Variants in NSD3 observed in about 807,000 individuals in gnomAD.
The protein encoded by NSD3 is nuclear receptor binding SET domain protein 3.
NSD3 carries 24 observed loss-of-function variants against 160.8 expected under a neutral mutation model. That is an observed-to-expected ratio of 0.15 (90% CI 0.11 to 0.21). The LOEUF is 0.21. Ranked by LOEUF, NSD3 falls within the 10% of genes least tolerant of loss-of-function variation. NSD3 has a pLI of 1.00. For missense variants in NSD3, 1,157 were observed against 1,735.9 expected, an observed-to-expected ratio of 0.67 and a Z score of 5.93; for synonymous variants, 520 against 600.0, an observed-to-expected ratio of 0.87 and a Z score of 1.95.
At chr8:38,358,537 CA>C (rs1810880453) in intron 1 of NSD3, among the ~76,000 whole-genome samples, 1 of 151,830 alleles carries the variant, frequency 6.6e-6, no homozygotes, top group Non-Finnish European at 1.5e-5. Context: ...ATTTATGCAG[CA>C]AAAACATTAT....
chr8:38,283,789 T>G (rs1450905699), intron 19 of NSD3, among the ~76,000 whole-genome samples: 5 of 152,124 alleles, frequency 3.3e-5, no homozygotes, highest in Admixed American at 3.3e-4. Context: ...ATCTACTGTA[T>G]AAGCTATGAT....
chr8:38,381,415 C>T (rs1407839424), intron 1 of NSD3, among the ~76,000 whole-genome samples: 2 of 151,964 alleles, frequency 1.3e-5, no homozygotes, highest in Non-Finnish European at 2.9e-5. Flanking sequence ...ATTTATCAGT[C>T]CACCCAGGTC....
chr8:38,377,210 G>A (rs1289084212), intron 1 of NSD3, among the ~76,000 whole-genome samples: 1 of 151,426 alleles, frequency 6.6e-6, no homozygotes, highest in Non-Finnish European at 1.5e-5. Flanking sequence ...GCACCACCAT[G>A]CCCGGCTAAT....
Position 38,329,753 on chromosome 8 carries a change from A to C in NSD3, c.1206T>G (p.Ala402=). 6.2e-7 allele frequency: 1 copy of C among 1,614,190 alleles called. No homozygotes were observed. The highest frequency in any genetic ancestry group is 8.5e-7 in the Non-Finnish European group (1 of 1,180,044). Residue 402 remains alanine (A), a synonymous_variant, in exon 6 of 24, where the codon GCT becomes GCG. Coordinates refer to ENST00000317025, the MANE Select transcript of NSD3 (RefSeq NM_023034.2). The surrounding 1 kb of genome is among the most constrained non-coding windows in gnomAD (Gnocchi z 4.8). ...CAACACTCTTTTTTGCTTGGGATAA[A>C]GCCTCTTCAGGCTGTTTATCAATGT... ...FIYIDKQPEE[A]LSQAKKSVAS... is the part of the protein sequence containing the mutation.
intron 1 of NSD3, among the ~76,000 whole-genome samples, chr8:38,366,110 C>CAAAAAAAAAAA (rs757397268): frequency 2.3e-5 from 1 of 44,332 alleles, no homozygotes. Context: ...GACTCTGTCT[C>CAAAAAAAAAAA]AAAAAAAAAA....
chr8:38,286,729 T>C (rs932146574), intron 19 of NSD3, among the ~76,000 whole-genome samples: 10 of 152,192 alleles, frequency 6.6e-5, no homozygotes, highest in African/African-American at 2.4e-4. Context: ...GCAGCTCCTC[T>C]CTTTCCTCTC....
intron 7 of NSD3, 46 bp downstream of exon 7, chr8:38,326,684 A>T: frequency 6.4e-7 from 1 of 1,570,136 alleles, no homozygotes; most frequent in South Asian, 1.2e-5. Flanking sequence ...GAACAGAACA[A>T]GGATTTCTCA....
At position 38,271,294 on chromosome 8, in the gene NSD3, AAAT is replaced by A. The variant is rs749848680; in HGVS notation, c.*4344_*4346del. ...ACTTCATAAATGTAAAAAGAAACTA[AAAT>A]AAGGAGAATCTGAAGAGTTTCAAGT... On this transcript the variant is annotated 3_prime_UTR_variant, in exon 24 of 24. Coordinates refer to ENST00000317025, the MANE Select transcript of NSD3 (RefSeq NM_023034.2). The A allele has an allele frequency of 2.6e-4, 39 of 152,292 alleles. No individual in the cohort carries two copies. Among genetic ancestry groups the A allele is most frequent in the African/African-American group, 8.7e-4 (36 of 41,568 alleles). The allele number at this position is 152,292 out of a possible 1,614,324, so 9.4% of individuals were successfully genotyped here.
At position 38,348,212 on chromosome 8, in the gene NSD3, G is replaced by A. The variant is rs1810582389; in HGVS notation, c.-41C>T. On this transcript the variant is annotated 5_prime_UTR_variant, in exon 2 of 24. Transcript: ENST00000317025. The stretch of plus-strand genomic sequence containing the variant: ...TCCTTAACTTTCCCTTTCTCTCATC[G>A]GGCCTAAAATTATAAAAGAGGGGAT... 3.9e-6 allele frequency: 6 copies of A among 1,521,214 alleles called. No homozygotes were observed. Among genetic ancestry groups the A allele is most frequent in the East Asian group, 2.3e-5 (1 of 44,072 alleles). The allele number at this position is 1,521,214 out of a possible 1,614,324, so 94.2% of individuals were successfully genotyped here.
intron 4 of NSD3, among the ~76,000 whole-genome samples, chr8:38,331,827 T>TCAAAACAAAACAAAA (rs150155803): frequency 7.9e-5 from 12 of 152,198 alleles, no homozygotes; most frequent in African/African-American, 2.6e-4. Context: ...GACTCTTGTC[T>TCAAAACAAAACAAAA]CAAAACAAAA....
At chr8:38,352,501 T>A (rs780286860) in intron 1 of NSD3, among the ~76,000 whole-genome samples, 3 of 152,214 alleles carry the variant, frequency 2.0e-5, no homozygotes, top group Non-Finnish European at 4.4e-5. Flanking sequence ...TAAAAGAAAG[T>A]GAGCTTCAGA....
Position 38,329,254 on chromosome 8 carries a change from G to C in NSD3, c.1581+124C>G. On this transcript the variant is annotated intron_variant, in intron 6 of 23. Transcript: ENST00000317025. This position sits in a 1 kb window ranked among gnomAD's most constrained non-coding sequence, Gnocchi z 4.8. ...TTTTTGCCCACAGAGTACAATGACTGTATGTTTCAAATTCAGTGGGTAGAA... is the reference window on the plus strand; with the variant it reads ...TTTTTGCCCACAGAGTACAATGACTCTATGTTTCAAATTCAGTGGGTAGAA... 8.5e-7 allele frequency: 1 copy of C among 1,182,958 alleles called. No homozygotes were observed. Among genetic ancestry groups the C allele is most frequent in the Non-Finnish European group, 1.2e-6 (1 of 852,118 alleles). 73.3% of individuals were successfully genotyped at this position (1,182,958 alleles called of 1,614,324 possible).
intron 16 of NSD3, among the ~76,000 whole-genome samples, chr8:38,294,720 A>G (rs1809089543): frequency 6.6e-6 from 1 of 152,060 alleles, no homozygotes; most frequent in Admixed American, 6.6e-5. Flanking sequence ...GCTCATTCCT[A>G]TAATTCTAGC....
At chr8:38,347,462 A>G (rs752305074) in intron 2 of NSD3, 35 bp downstream of exon 2, 9 of 1,534,722 alleles carry the variant, frequency 5.9e-6, no homozygotes, top group South Asian at 2.6e-5. Flanking sequence ...AATGTGAAAT[A>G]TAACAAAATT....
Position 38,275,889 on chromosome 8 carries a change from C to T in NSD3, c.4073-7G>A, listed in dbSNP as rs373621167. 4.5e-5 allele frequency: 73 copies of T among 1,611,086 alleles called. No homozygotes were observed. Among genetic ancestry groups the T allele is most frequent in the Non-Finnish European group, 6.0e-5 (71 of 1,178,046 alleles). ...CACGGACACTCCCACTTTCCTAATT[C>T]GGGGAGATGGGGAGGAAGAAGGAGA... On this transcript the variant is annotated splice_polypyrimidine_tract_variant and splice_region_variant and intron_variant, in intron 23 of 23. Transcript: ENST00000317025.
chr8:38,337,042 C>G (rs1585898527), intron 4 of NSD3, among the ~76,000 whole-genome samples: 1 of 151,198 alleles, frequency 6.6e-6, no homozygotes, highest in African/African-American at 2.4e-5. Context: ...CTCCAGAGGC[C>G]CAGGCAGGAG....
Position 38,273,701 on chromosome 8 carries a change from CAA to C in NSD3, c.*1938_*1939del, listed in dbSNP as rs1450859109. 1.3e-5 allele frequency: 2 copies of C among 152,116 alleles called. No homozygotes were observed. The highest frequency in any genetic ancestry group is 4.8e-5 in the African/African-American group (2 of 41,418). 9.4% of individuals were successfully genotyped at this position (152,116 alleles called of 1,614,324 possible). ...ATCAAACTATATAATTGCTCAAGAG[CAA>C]AGTTTAGTGTTTTGGTGAGCTGTAT... is the stretch of plus-strand genomic sequence containing the variant. On this transcript the variant is annotated 3_prime_UTR_variant, in exon 24 of 24. Transcript: ENST00000317025.
chr8:38,296,080 G>A lies in NSD3; in HGVS notation c.2759-128C>T, dbSNP rs1809131259. ...TGGGGGAAAATAACAAAGGGACTGA[G>A]TCATATCTACAGTGATGGATTAAAA... On this transcript the variant is annotated intron_variant, in intron 15 of 23. Coordinates refer to ENST00000317025, the MANE Select transcript of NSD3 (RefSeq NM_023034.2). The A allele has an allele frequency of 4.2e-6, 4 of 957,234 alleles. No individual in the cohort carries two copies. The Admixed American group carries it at 8.8e-5, about 21-fold the overall frequency. The allele number at this position is 957,234 out of a possible 1,614,324, so 59.3% of individuals were successfully genotyped here.
At chr8:38,350,899 AT>A (rs1165159717) in intron 1 of NSD3, among the ~76,000 whole-genome samples, 1 of 152,144 alleles carries the variant, frequency 6.6e-6, no homozygotes, top group African/African-American at 2.4e-5. Context: ...ACACGTGCAC[AT>A]CACAGAATAG....
Sources: gnomAD v4.1 joint callset for allele counts (sites outside exome capture counted in the v4.1 genomes callset) on GRCh38, gnomAD v4.1.1 for gene constraint, Gnocchi (gnomAD v3.1) non-coding constraint, MANE v1.5 for transcripts, NCBI Gene and HGNC (gene_info 2026-07-23, HGNC 2026-07-21) for gene names.